PRDM2: variants seen among roughly 807,000 people sequenced by gnomAD.
PRDM2 encodes PR/SET domain 2.
PRDM2 carries 30 observed loss-of-function variants against 130.0 expected under a neutral mutation model. The observed-to-expected ratio is 0.23, with a 90% CI of 0.17 to 0.31. PRDM2 has a LOEUF of 0.31. Ranked by LOEUF, PRDM2 falls within the 10% of genes least tolerant of loss-of-function variation. The probability of loss-of-function intolerance (pLI) is 1.00; values close to 1 mark genes in which losing one functional copy is unlikely to be tolerated. For missense variants in PRDM2, 2,011 were observed against 2,108.4 expected, an observed-to-expected ratio of 0.95 and a Z score of 0.90; for synonymous variants, 871 against 782.4, an observed-to-expected ratio of 1.11 and a Z score of -1.89.
chr1:13,783,618 C>T (rs989090259), intron 8 of PRDM2, among the ~76,000 whole-genome samples: 3 of 152,114 alleles, frequency 2.0e-5, no homozygotes, highest in African/African-American at 7.2e-5. Context: ...CCCTGTGCTT[C>T]CTATATTAAG....
At chr1:13,823,049 T>C (rs1349317052) in intron 9 of PRDM2, 110 bp from the exon 10 acceptor site, 10 of 1,104,868 alleles carry the variant, frequency 9.1e-6, no homozygotes, top group African/African-American at 1.6e-5. Context: ...GTATGGTATG[T>C]TTCAATAAAC....
At chr1:13,821,075 G>A (rs555594130) in intron 9 of PRDM2, among the ~76,000 whole-genome samples, 22 of 152,104 alleles carry the variant, frequency 1.4e-4, no homozygotes, top group African/African-American at 4.3e-4. Flanking sequence ...ATGAACATGC[G>A]TAGTGGTTAG....
At chr1:13,709,890 A>G (rs938172149) in intron 1 of PRDM2, among the ~76,000 whole-genome samples, 14 of 152,162 alleles carry the variant, frequency 9.2e-5, no homozygotes, top group South Asian at 2.1e-4. Context: ...CTATGTGTCT[A>G]TTGCAAAGTT....
rs144952501 is a variant in PRDM2 at position 13,781,078 on chromosome 1, C to A, written c.3283C>A (p.Leu1095Ile). 4.9e-5 allele frequency: 79 copies of A among 1,613,694 alleles called. No individual in the cohort carries two copies. The African/African-American group carries it at 8.5e-4, about 17-fold the overall frequency. ...CTCTGGTGATAATCTGGAGGCTTCT[C>A]TCCCCATGATATCTTTCAAACAGGA... ...VSSGDNLEAS[L>I]PMISFKQEEL... is the part of the protein sequence containing the mutation. The change falls in exon 8 of 10, where the codon CTC becomes ATC. Residue 1095 changes from leucine to isoleucine, a missense_variant. By Grantham distance (5) the Leu-to-Ile change is conservative (BLOSUM62 2). Coordinates refer to ENST00000311066, the MANE Select transcript of PRDM2 (RefSeq NM_001393986.1). This position sits in a 1 kb window ranked among gnomAD's most constrained non-coding sequence, Gnocchi z 6.1.
intron 8 of PRDM2, among the ~76,000 whole-genome samples, chr1:13,811,790 G>A (rs1557676318): frequency 6.6e-6 from 1 of 152,272 alleles, no homozygotes; most frequent in Non-Finnish European, 1.5e-5. Context: ...AACTCCAAAG[G>A]CTATGGGAAC....
chr1:13,725,397 T>C (rs888846406), intron 2 of PRDM2, among the ~76,000 whole-genome samples: 3 of 151,676 alleles, frequency 2.0e-5, no homozygotes, highest in African/African-American at 7.3e-5. Flanking sequence ...TAGAGATAGG[T>C]TTTTACCATG....
intron 8 of PRDM2, among the ~76,000 whole-genome samples, chr1:13,789,038 A>T (rs78431030): frequency 0.014 from 2,135 of 152,230 alleles, 45 homozygotes; most frequent in African/African-American, 0.049. Context: ...GGACTGAAAG[A>T]GTGGGATGAT....
At chr1:13,756,044 G>T (rs1643942793) in intron 6 of PRDM2, among the ~76,000 whole-genome samples, 1 of 150,502 alleles carries the variant, frequency 6.6e-6, no homozygotes, top group Non-Finnish European at 1.5e-5. Flanking sequence ...AAGGTCAGGA[G>T]ATCGAGACCA....
intron 4 of PRDM2, among the ~76,000 whole-genome samples, chr1:13,735,898 C>A (rs191633744): frequency 6.6e-6 from 1 of 152,338 alleles, no homozygotes; most frequent in Admixed American, 6.5e-5. Flanking sequence ...GGCGCAACCA[C>A]TGTGAACATC....
chr1:13,720,730 C>T (rs562053118), intron 2 of PRDM2, among the ~76,000 whole-genome samples: 1 of 152,250 alleles, frequency 6.6e-6, no homozygotes, highest in Non-Finnish European at 1.5e-5. Context: ...ATGGGGTGGG[C>T]ACCATTACTA....
rs755030918 is a variant in PRDM2, at chr1:13,780,375, T to C, written c.2580T>C (p.Ser860=). ...LSVHKKHCSD[S]EGKEFKESHS... ...TGCATAAAAAGCATTGTAGTGACTC[T>C]GAAGGCAAGGAATTCAAAGAAAGTC... Residue 860 remains serine, a synonymous_variant, in exon 8 of 10, where the codon TCT becomes TCC. Transcript: ENST00000311066. The C allele has an allele frequency of 1.9e-6, 3 of 1,614,086 alleles. No homozygotes were observed. In the African/African-American group the frequency reaches 4.0e-5, roughly 22 times the overall value.
At chr1:13,799,853 G>A (rs1037100517) in intron 8 of PRDM2, among the ~76,000 whole-genome samples, 2 of 152,200 alleles carry the variant, frequency 1.3e-5, no homozygotes, top group African/African-American at 4.8e-5. Flanking sequence ...ATAGTAATTC[G>A]CTTAAAAATT....
intron 1 of PRDM2, among the ~76,000 whole-genome samples, chr1:13,714,772 C>T (rs895643454): frequency 2.0e-5 from 3 of 152,002 alleles, no homozygotes; most frequent in Admixed American, 1.3e-4. Flanking sequence ...TGTATGTAAA[C>T]GTGGGAAATG....
intron 8 of PRDM2, among the ~76,000 whole-genome samples, chr1:13,810,437 T>C (rs1384926685): frequency 6.6e-6 from 1 of 152,200 alleles, no homozygotes; most frequent in Non-Finnish European, 1.5e-5. Context: ...TTCGTTTGAA[T>C]TGTGTGTACA....
chr1:13,745,481 AT>A (rs1313276565), intron 5 of PRDM2, among the ~76,000 whole-genome samples: 1 of 151,212 alleles, frequency 6.6e-6, no homozygotes, highest in African/African-American at 2.4e-5. Context: ...CTGGAGTGCA[AT>A]GGCGTGATCT....
chr1:13,743,175 G>A (rs1045708042), intron 5 of PRDM2, among the ~76,000 whole-genome samples: 3 of 151,966 alleles, frequency 2.0e-5, no homozygotes, highest in Non-Finnish European at 2.9e-5. Context: ...CAAGGCGGGC[G>A]GATCATGAGG....
At chr1:13,794,969 T>C (rs1644900211) in intron 8 of PRDM2, among the ~76,000 whole-genome samples, 2 of 152,188 alleles carry the variant, frequency 1.3e-5, no homozygotes, top group South Asian at 4.1e-4. Context: ...GCTGCTTCCT[T>C]CTTATAGCAG....
chr1:13,813,702 G>C (rs1181587435), intron 8 of PRDM2, among the ~76,000 whole-genome samples: 1 of 152,214 alleles, frequency 6.6e-6, no homozygotes, highest in Non-Finnish European at 1.5e-5. Flanking sequence ...ATTAGGCCAG[G>C]CAGTGGATGA....
rs550887031 is a variant in PRDM2, at chr1:13,750,400, T to G, written c.511+913T>G. 5.2e-4 allele frequency among the ~76,000 whole-genome samples: 79 copies of G among 151,508 alleles called. 1 individual carries two copies. The highest frequency in any genetic ancestry group is 1.5e-3 in the African/African-American group (64 of 41,406). ...GTTTTTTGTTTTTTTGTTTTTTTGTTTTTTTTTTGCTCTCCTTAGGTCTTA... is the reference window on the plus strand; with the variant it reads ...GTTTTTTGTTTTTTTGTTTTTTTGTGTTTTTTTTGCTCTCCTTAGGTCTTA... On this transcript the variant is annotated intron_variant, in intron 6 of 9. Coordinates refer to ENST00000311066, the MANE Select transcript of PRDM2 (RefSeq NM_001393986.1).
Sources: gnomAD v4.1 joint callset for allele counts (sites outside exome capture counted in the v4.1 genomes callset) on GRCh38, gnomAD v4.1.1 for gene constraint, Gnocchi (gnomAD v3.1) non-coding constraint, MANE v1.5 for transcripts, NCBI Gene and HGNC (gene_info 2026-07-23, HGNC 2026-07-21) for gene names.